Variants in LOC128462377 observed in about 807,000 individuals in gnomAD.
chr16:89,384,759 T>G, the LOC128462377 span, among the ~76,000 whole-genome samples: 9 of 152,140 alleles, frequency 5.9e-5, no homozygotes, highest in South Asian at 1.9e-3. Flanking sequence ...TTTGGCAACC[T>G]GTATTTAGCA....
At chr16:89,410,345 A>C in the LOC128462377 span, among the ~76,000 whole-genome samples, 3 of 152,202 alleles carry the variant, frequency 2.0e-5, no homozygotes, top group Non-Finnish European at 4.4e-5. Context: ...ACTAACAAAA[A>C]ACAAGCAAGA....
chr16:89,374,055 A>G, the LOC128462377 span, among the ~76,000 whole-genome samples: 1 of 152,254 alleles, frequency 6.6e-6, no homozygotes, highest in African/African-American at 2.4e-5. Flanking sequence ...GACAACACGC[A>G]AGTGTGAGGC....
the LOC128462377 span, among the ~76,000 whole-genome samples, chr16:89,387,505 T>C: frequency 4.0e-5 from 6 of 151,198 alleles, no homozygotes; most frequent in Non-Finnish European, 8.8e-5. Context: ...ACCCCATCTC[T>C]ACTAAAAATA....
At chr16:89,393,775 G>C in the LOC128462377 span, among the ~76,000 whole-genome samples, 2 of 152,122 alleles carry the variant, frequency 1.3e-5, no homozygotes. Flanking sequence ...CTGGAATCTG[G>C]CAGAGCTCTG....
chr16:89,413,080 G>A, the LOC128462377 span, among the ~76,000 whole-genome samples: 1 of 152,174 alleles, frequency 6.6e-6, no homozygotes, highest in Non-Finnish European at 1.5e-5. Context: ...GAGGGAGTAG[G>A]AGGGGGCGCC....
the LOC128462377 span, among the ~76,000 whole-genome samples, chr16:89,370,449 G>A: frequency 6.6e-6 from 1 of 152,162 alleles, no homozygotes; most frequent in Non-Finnish European, 1.5e-5. Flanking sequence ...GGGCAAAGAT[G>A]GCAAATGGCT....
chr16:89,357,326 G>A, the LOC128462377 span, among the ~76,000 whole-genome samples: 1 of 152,148 alleles, frequency 6.6e-6, no homozygotes, highest in East Asian at 1.9e-4. Flanking sequence ...GTGTCCCGGG[G>A]ACAGGACACT....
At chr16:89,371,130 G>A in the LOC128462377 span, among the ~76,000 whole-genome samples, 1 of 152,196 alleles carries the variant, frequency 6.6e-6, no homozygotes, top group Non-Finnish European at 1.5e-5. Flanking sequence ...GACGGGACGA[G>A]CGTCTTGACT....
At chr16:89,371,809 C>A in the LOC128462377 span, among the ~76,000 whole-genome samples, 1 of 152,292 alleles carries the variant, frequency 6.6e-6, no homozygotes, top group Admixed American at 6.5e-5. Context: ...TCTGCCCAGG[C>A]CAGCAATGTC....
chr16:89,417,255 G>A, the LOC128462377 span, among the ~76,000 whole-genome samples: 3,351 of 152,254 alleles, frequency 0.022, 43 homozygotes, highest in Non-Finnish European at 0.032. Context: ...TGCAGGAAAG[G>A]TTCTTTCACG....
the LOC128462377 span, among the ~76,000 whole-genome samples, chr16:89,317,902 A>G: frequency 6.6e-6 from 1 of 152,024 alleles, no homozygotes; most frequent in Non-Finnish European, 1.5e-5. Context: ...CTTCTTACCC[A>G]AGTTCACGCC....
chr16:89,407,869 AAAAAG>A, the LOC128462377 span, among the ~76,000 whole-genome samples: 675 of 151,388 alleles, frequency 4.5e-3, 6 homozygotes, highest in Non-Finnish European at 6.5e-3. Flanking sequence ...AAAAAAAAAA[AAAAAG>A]AAGAAGAAGA....
At chr16:89,351,237 A>G in the LOC128462377 span, among the ~76,000 whole-genome samples, 1 of 152,218 alleles carries the variant, frequency 6.6e-6, no homozygotes, top group Admixed American at 6.5e-5. Flanking sequence ...GTTCCACGGC[A>G]AAGAATGAAA....
At chr16:89,391,152 C>T in the LOC128462377 span, among the ~76,000 whole-genome samples, 1,160 of 150,612 alleles carry the variant, frequency 7.7e-3, 6 homozygotes, top group Admixed American at 0.011. Flanking sequence ...GGTGTGAACC[C>T]GGAAGGCGGA....
the LOC128462377 span, among the ~76,000 whole-genome samples, chr16:89,399,460 C>A: frequency 6.6e-6 from 1 of 152,224 alleles, no homozygotes; most frequent in African/African-American, 2.4e-5. Context: ...AAGGGCAAAA[C>A]CGTGCAGACA....
At chr16:89,383,523 T>C in the LOC128462377 span, among the ~76,000 whole-genome samples, 231 of 152,334 alleles carry the variant, frequency 1.5e-3, no homozygotes, top group African/African-American at 5.3e-3. Flanking sequence ...TGCTGCCTCC[T>C]GTGTCTGCAA....
At chr16:89,338,837 A>G in the LOC128462377 span, among the ~76,000 whole-genome samples, 2 of 152,076 alleles carry the variant, frequency 1.3e-5, no homozygotes. Flanking sequence ...CAAAACAATC[A>G]TTTCCCTTTC....
the LOC128462377 span, among the ~76,000 whole-genome samples, chr16:89,340,410 G>C: frequency 2.6e-5 from 4 of 152,234 alleles, no homozygotes; most frequent in African/African-American, 9.6e-5. Flanking sequence ...GAGTAGCTGA[G>C]ATTACAGGCA....
At chr16:89,317,214 G>A in the LOC128462377 span, 1 of 700,384 alleles carries the variant, frequency 1.4e-6, no homozygotes, top group Non-Finnish European at 2.5e-6. Flanking sequence ...CCCGGGCCAG[G>A]CCCAGGAAGG....
Sources: allele counts gnomAD v4.1 joint callset (sites outside exome capture counted in the v4.1 genomes callset), GRCh38; gene constraint gnomAD v4.1.1; transcripts MANE v1.5.